Variants in CTNNA3 observed in about 807,000 individuals in gnomAD.
CTNNA3 encodes catenin alpha-3.
CTNNA3 carries 76 observed loss-of-function variants against 95.7 expected under a neutral mutation model. The observed-to-expected ratio is 0.79, with a 90% CI of 0.66 to 0.96. The LOEUF (loss-of-function observed/expected upper bound fraction) is 0.96, where lower values mean the gene tolerates loss of function less well. CTNNA3 is among the 40% of genes least tolerant of loss of function. The probability of loss-of-function intolerance (pLI) is 0.00; values close to 1 mark genes in which losing one functional copy is unlikely to be tolerated. For synonymous variants in CTNNA3, 431 were observed against 374.4 expected, an observed-to-expected ratio of 1.15 and a Z score of -1.74; for missense variants, 1,191 against 1,089.8, an observed-to-expected ratio of 1.09 and a Z score of -1.31.
At chr10:66,469,886 A>G (rs76504855) in intron 11 of CTNNA3, among the ~76,000 whole-genome samples, 9,392 of 151,856 alleles carry the variant, frequency 0.062, 603 homozygotes, top group African/African-American at 0.16. Context: ...ATAAAACAGG[A>G]AGAGAGGAAA....
chr10:66,187,160 G>A (rs1432901645), intron 13 of CTNNA3, among the ~76,000 whole-genome samples: 1 of 152,050 alleles, frequency 6.6e-6, no homozygotes, highest in Non-Finnish European at 1.5e-5. Flanking sequence ...AAAATATTTG[G>A]CTTGTTCCCT....
chr10:67,202,365 T>C (rs1456112852), intron 6 of CTNNA3, among the ~76,000 whole-genome samples: 1 of 152,156 alleles, frequency 6.6e-6, no homozygotes, highest in Non-Finnish European at 1.5e-5. Context: ...GCATGGCCAC[T>C]GAACAATGTT....
intron 7 of CTNNA3, among the ~76,000 whole-genome samples, chr10:66,813,242 A>G (rs1244294108): frequency 6.6e-6 from 1 of 152,188 alleles, no homozygotes; most frequent in East Asian, 1.9e-4. Context: ...TGCAAAATCC[A>G]CACTCAAATT....
chr10:67,728,072 T>G (rs1841252681), intron 1 of CTNNA3, among the ~76,000 whole-genome samples: 1 of 140,566 alleles, frequency 7.1e-6, no homozygotes, highest in African/African-American at 2.7e-5. Context: ...GTATATTACA[T>G]ATTATATATT....
At chr10:66,432,748 G>T (rs899991618) in intron 11 of CTNNA3, among the ~76,000 whole-genome samples, 2 of 151,606 alleles carry the variant, frequency 1.3e-5, no homozygotes, top group Non-Finnish European at 2.9e-5. Flanking sequence ...GTTGTTTGAT[G>T]CACCCATCAA....
At chr10:66,798,702 A>C (rs560542998) in intron 7 of CTNNA3, among the ~76,000 whole-genome samples, 31 of 151,796 alleles carry the variant, frequency 2.0e-4, no homozygotes, top group Admixed American at 1.9e-3. Flanking sequence ...GAAGTGATGA[A>C]AAAATGATTC....
chr10:67,227,593 T>C (rs1293289026), intron 5 of CTNNA3, among the ~76,000 whole-genome samples: 1 of 152,084 alleles, frequency 6.6e-6, no homozygotes, highest in Non-Finnish European at 1.5e-5. Context: ...AACACAATAA[T>C]AGTGGGGGAC....
At chr10:66,332,183 A>G (rs2092338689) in intron 12 of CTNNA3, among the ~76,000 whole-genome samples, 2 of 151,934 alleles carry the variant, frequency 1.3e-5, no homozygotes, top group South Asian at 2.1e-4. Context: ...CAATCATGTC[A>G]TCTGCAAACA....
intron 15 of CTNNA3, among the ~76,000 whole-genome samples, chr10:66,005,905 A>G (rs910675787): frequency 6.6e-6 from 1 of 152,188 alleles, no homozygotes; most frequent in African/African-American, 2.4e-5. Context: ...ATTATAGTTA[A>G]AACTACTTAG....
chr10:66,658,228 C>T (rs1846136229), intron 9 of CTNNA3, among the ~76,000 whole-genome samples: 1 of 139,210 alleles, frequency 7.2e-6, no homozygotes, highest in East Asian at 2.5e-4. Context: ...CTCTCTCTTT[C>T]TCTCTCTCTC....
chr10:67,463,462 A>G (rs915478817), intron 5 of CTNNA3, among the ~76,000 whole-genome samples: 1 of 152,214 alleles, frequency 6.6e-6, no homozygotes, highest in African/African-American at 2.4e-5. Context: ...TTATCAGCTC[A>G]AAAAGGACAT....
At chr10:67,745,915 A>T (rs937202732) in intron 1 of CTNNA3, among the ~76,000 whole-genome samples, 1 of 152,186 alleles carries the variant, frequency 6.6e-6, no homozygotes, top group Non-Finnish European at 1.5e-5. Context: ...CTGATGAAAG[A>T]AATTGAAGAG....
At chr10:66,300,197 T>C (rs1167433292) in intron 12 of CTNNA3, among the ~76,000 whole-genome samples, 7 of 152,030 alleles carry the variant, frequency 4.6e-5, no homozygotes, top group African/African-American at 1.7e-4. Flanking sequence ...TGGCCTACAA[T>C]GAGGAAAAAT....
intron 7 of CTNNA3, chr10:67,098,044 G>A: frequency 2.1e-6 from 1 of 474,214 alleles, no homozygotes; most frequent in Non-Finnish European, 3.8e-6. Context: ...AAAAATAAAA[G>A]AATCTTTTTT....
intron 9 of CTNNA3, among the ~76,000 whole-genome samples, chr10:66,695,627 C>A (rs1282709480): frequency 6.6e-6 from 1 of 152,100 alleles, no homozygotes; most frequent in African/African-American, 2.4e-5. Context: ...CAATAAAAGT[C>A]ATTCCCAGAA....
At chr10:66,363,536 T>C (rs2092691481) in intron 12 of CTNNA3, among the ~76,000 whole-genome samples, 1 of 152,168 alleles carries the variant, frequency 6.6e-6, no homozygotes, top group Non-Finnish European at 1.5e-5. Context: ...CTCCAGAGAC[T>C]GTGAAAAATA....
At chr10:66,377,252 C>A (rs766799304) in intron 12 of CTNNA3, among the ~76,000 whole-genome samples, 1 of 151,710 alleles carries the variant, frequency 6.6e-6, no homozygotes, top group South Asian at 2.1e-4. Context: ...TACATAATAA[C>A]CCAGGATTAT....
intron 17 of CTNNA3, among the ~76,000 whole-genome samples, chr10:65,939,193 C>A (rs1484380160): frequency 6.6e-6 from 1 of 152,186 alleles, no homozygotes; most frequent in Non-Finnish European, 1.5e-5. Context: ...GCGTAAGCCA[C>A]CGCGCCCTGC....
At chr10:67,268,304 AAAAAT>A (rs1355400790) in intron 5 of CTNNA3, among the ~76,000 whole-genome samples, 1 of 128,590 alleles carries the variant, frequency 7.8e-6, no homozygotes, top group Non-Finnish European at 1.7e-5. Flanking sequence ...CCATCTCTAC[AAAAAT>A]AAATTAAATT....
Sources: allele counts gnomAD v4.1 joint callset (sites outside exome capture counted in the v4.1 genomes callset), GRCh38; gene constraint gnomAD v4.1.1; transcripts MANE v1.5; gene names NCBI Gene and HGNC (gene_info 2026-07-23, HGNC 2026-07-21).